Variants in EIF4E observed in about 807,000 individuals in gnomAD.
EIF4E encodes the protein eukaryotic translation initiation factor 4E, also known as eIF-4F 25 kDa subunit.
For synonymous variants in EIF4E, 71 were observed against 88.5 expected (o/e 0.80, Z 1.11); for missense variants, 113 against 265.6 (o/e 0.43, Z 3.99).
chr4:98,891,378 T>C (rs765736373), intron 2 of EIF4E, 46 bp from the exon 3 acceptor site: 3 of 1,539,486 alleles, frequency 1.9e-6, no homozygotes, highest in Non-Finnish European at 2.7e-6. Flanking sequence ...TGCATACCCA[T>C]GTTAAAAGCA....
intron 6 of EIF4E, among the ~76,000 whole-genome samples, chr4:98,883,768 A>T (rs527545026): frequency 4.7e-4 from 71 of 152,082 alleles, no homozygotes; most frequent in Non-Finnish European, 9.4e-4. Flanking sequence ...CTGGTTTAGC[A>T]TGGTGGCTCA....
chr4:98,906,044 T>C (rs918982081), intron 1 of EIF4E, among the ~76,000 whole-genome samples: 4 of 152,248 alleles, frequency 2.6e-5, no homozygotes, highest in Non-Finnish European at 4.4e-5. Flanking sequence ...AACCATGATG[T>C]GCTTTTCCAT....
In EIF4E at chr4:98,917,211, G is replaced by A. The variant is rs576797206; in HGVS notation, c.18+11884C>T. 7.3e-5 allele frequency among the ~76,000 whole-genome samples: 11 copies of A among 150,242 alleles called. No homozygotes were observed. In the East Asian group the frequency reaches 2.2e-3, roughly 30 times the overall value. On this transcript the variant is annotated intron_variant, in intron 1 of 6. Coordinates refer to ENST00000450253, the MANE Select transcript of EIF4E (RefSeq NM_001968.5). The stretch of plus-strand genomic sequence containing the variant: ...TTCTGCTTGACCATGTGTTCATGAA[G>A]TTCCTCTTCTCTCCTTTATGCCCTG...
At chr4:98,919,701 G>A (rs1405037619) in intron 1 of EIF4E, among the ~76,000 whole-genome samples, 1 of 151,776 alleles carries the variant, frequency 6.6e-6, no homozygotes, top group Non-Finnish European at 1.5e-5. Flanking sequence ...TGGGACTACA[G>A]GCACGTGCCA....
At chr4:98,915,344 CA>C (rs1363905166) in intron 1 of EIF4E, among the ~76,000 whole-genome samples, 1 of 151,256 alleles carries the variant, frequency 6.6e-6, no homozygotes, top group Non-Finnish European at 1.5e-5. Context: ...ACAAGTGAAC[CA>C]AAATATTACC....
intron 2 of EIF4E, among the ~76,000 whole-genome samples, chr4:98,898,436 G>A (rs187652372): frequency 5.5e-4 from 84 of 152,116 alleles, no homozygotes; most frequent in Admixed American, 1.2e-3. Flanking sequence ...GTGAAACCCC[G>A]TCTCTATTAG....
intron 2 of EIF4E, among the ~76,000 whole-genome samples, chr4:98,896,001 T>C (rs955196568): frequency 8.0e-5 from 11 of 137,232 alleles, no homozygotes; most frequent in African/African-American, 1.2e-4. Flanking sequence ...ATCGAGACCA[T>C]CCTGGCCAAC....
intron 1 of EIF4E, chr4:98,926,249 T>G (rs994908987): frequency 2.6e-5 from 4 of 151,632 alleles, no homozygotes; most frequent in Admixed American, 2.0e-4. Context: ...TTAAAAGTAC[T>G]AAAAATTTTC....
intron 1 of EIF4E, among the ~76,000 whole-genome samples, chr4:98,924,884 C>T (rs1331632884): frequency 2.0e-5 from 3 of 152,296 alleles, no homozygotes; most frequent in South Asian, 2.1e-4. Flanking sequence ...CGTGAGCCAC[C>T]GCACTCAGCA....
chr4:98,925,465 G>A (rs1725826865), intron 1 of EIF4E, among the ~76,000 whole-genome samples: 1 of 152,126 alleles, frequency 6.6e-6, no homozygotes, highest in South Asian at 2.1e-4. Flanking sequence ...TTCAAATGCC[G>A]ATAGAATAAC....
intron 1 of EIF4E, among the ~76,000 whole-genome samples, chr4:98,920,248 T>C (rs866296823): frequency 2.0e-5 from 3 of 152,358 alleles, no homozygotes; most frequent in South Asian, 2.1e-4. Flanking sequence ...TCAGTATAAA[T>C]TGGTTTCCTT....
chr4:98,906,801 A>G (rs1724891586), intron 1 of EIF4E, among the ~76,000 whole-genome samples: 1 of 152,190 alleles, frequency 6.6e-6, no homozygotes, highest in Non-Finnish European at 1.5e-5. Context: ...CACACCCTCT[A>G]GAGCCATGTT....
At chr4:98,910,510 T>C (rs1435723333) in intron 1 of EIF4E, among the ~76,000 whole-genome samples, 1 of 152,178 alleles carries the variant, frequency 6.6e-6, no homozygotes, top group East Asian at 1.9e-4. Context: ...AAAAATTCAA[T>C]AGCTGTTTAT....
chr4:98,888,263 G>A (rs1004087382), intron 3 of EIF4E, among the ~76,000 whole-genome samples: 2 of 152,014 alleles, frequency 1.3e-5, no homozygotes. Flanking sequence ...GGTATAAGGT[G>A]GCTTTAAGTA....
chr4:98,884,881 T>C, intron 6 of EIF4E, 41 bp downstream of exon 6: 3 of 1,609,858 alleles, frequency 1.9e-6, no homozygotes, highest in Non-Finnish European at 2.5e-6. Context: ...GTTTTACTCA[T>C]CTTAATACTG....
At chr4:98,922,688 G>C (rs578107751) in intron 1 of EIF4E, among the ~76,000 whole-genome samples, 3 of 151,870 alleles carry the variant, frequency 2.0e-5, no homozygotes, top group Non-Finnish European at 4.4e-5. Context: ...TTACAAACAA[G>C]GTATGTTTAT....
intron 1 of EIF4E, among the ~76,000 whole-genome samples, chr4:98,918,637 T>C (rs1359276013): frequency 6.6e-6 from 1 of 152,138 alleles, no homozygotes; most frequent in Non-Finnish European, 1.5e-5. Context: ...CAGTAATGTT[T>C]GAAATAGCAA....
intron 2 of EIF4E, among the ~76,000 whole-genome samples, chr4:98,896,486 CAAA>C (rs59729154): frequency 1.8e-4 from 7 of 39,024 alleles, no homozygotes; most frequent in African/African-American, 7.3e-4. Flanking sequence ...CCGCATCTCT[CAAA>C]AAAAAAAAAA....
intron 5 of EIF4E, 52 bp from the exon 6 acceptor site, chr4:98,885,113 C>A: frequency 6.3e-7 from 1 of 1,576,220 alleles, no homozygotes; most frequent in Non-Finnish European, 8.6e-7. Context: ...AAGCTCATTA[C>A]ACTGCAAATG....
Sources: allele counts gnomAD v4.1 joint callset (sites outside exome capture counted in the v4.1 genomes callset), GRCh38; gene constraint gnomAD v4.1.1; transcripts MANE v1.5; gene names NCBI Gene and HGNC (gene_info 2026-07-23, HGNC 2026-07-21).